PLCB1: variants seen among roughly 807,000 people sequenced by gnomAD.
PLCB1 encodes 1-phosphatidylinositol 4,5-bisphosphate phosphodiesterase beta-1.
PLCB1 carries 46 observed loss-of-function variants against 161.8 expected under a neutral mutation model. The ratio of observed to expected loss-of-function variants is 0.28; its 90% CI spans 0.22 to 0.36. The LOEUF (loss-of-function observed/expected upper bound fraction) is 0.36. Ranked by LOEUF, PLCB1 falls within the 10% of genes least tolerant of loss-of-function variation. The probability of loss-of-function intolerance (pLI) is 1.00; values close to 1 mark genes in which losing one functional copy is unlikely to be tolerated. For synonymous variants in PLCB1, 517 were observed against 503.7 expected (o/e 1.03, Z -0.35); for missense variants, 1,016 against 1,472.5 (o/e 0.69, Z 5.07).
chr20:8,617,711 T>C (rs902817233), intron 3 of PLCB1, among the ~76,000 whole-genome samples: 4 of 152,228 alleles, frequency 2.6e-5, no homozygotes, highest in African/African-American at 9.6e-5. Context: ...TTGTTGAAAT[T>C]ACCTAGCAAT....
At chr20:8,154,076 T>G (rs1054459346) in intron 2 of PLCB1, among the ~76,000 whole-genome samples, 1 of 152,178 alleles carries the variant, frequency 6.6e-6, no homozygotes, top group Non-Finnish European at 1.5e-5. Context: ...TTAAATAAAT[T>G]TGTGCATGTG....
At chr20:8,799,881 G>A (rs903681524) in intron 31 of PLCB1, among the ~76,000 whole-genome samples, 3 of 152,040 alleles carry the variant, frequency 2.0e-5, no homozygotes, top group East Asian at 1.9e-4. Context: ...TAAGTTCTAC[G>A]TAAATAGTGT....
chr20:8,460,992 C>A (rs1249432114), intron 3 of PLCB1, among the ~76,000 whole-genome samples: 1 of 152,192 alleles, frequency 6.6e-6, no homozygotes, highest in Non-Finnish European at 1.5e-5. Flanking sequence ...TGAGTGGCCA[C>A]TTGCCCGATG....
intron 11 of PLCB1, among the ~76,000 whole-genome samples, chr20:8,707,329 C>T (rs1454568932): frequency 1.3e-5 from 2 of 151,762 alleles, no homozygotes; most frequent in East Asian, 1.9e-4. Context: ...AGAAAAGGCT[C>T]AGGCATAAAG....
At chr20:8,799,475 G>A (rs1984185035) in intron 31 of PLCB1, among the ~76,000 whole-genome samples, 2 of 152,036 alleles carry the variant, frequency 1.3e-5, no homozygotes, top group South Asian at 2.1e-4. Context: ...TGTGAATTTT[G>A]CTAATACTCA....
At chr20:8,694,484 T>G (rs1038243588) in intron 10 of PLCB1, among the ~76,000 whole-genome samples, 1 of 152,226 alleles carries the variant, frequency 6.6e-6, no homozygotes, top group Non-Finnish European at 1.5e-5. Context: ...TGCCTTACCA[T>G]GGTTTTCAAA....
intron 26 of PLCB1, among the ~76,000 whole-genome samples, chr20:8,773,680 A>G (rs1448862829): frequency 1.3e-5 from 2 of 152,146 alleles, no homozygotes; most frequent in African/African-American, 4.8e-5. Context: ...GCTGTTAAAA[A>G]TCTTGTTAAG....
At chr20:8,459,609 T>C (rs1484993222) in intron 3 of PLCB1, among the ~76,000 whole-genome samples, 1 of 152,192 alleles carries the variant, frequency 6.6e-6, no homozygotes, top group Non-Finnish European at 1.5e-5. Context: ...AACTAACACT[T>C]TTATTGTGAT....
At chr20:8,750,148 G>C (rs145374346) in intron 23 of PLCB1, among the ~76,000 whole-genome samples, 1 of 152,166 alleles carries the variant, frequency 6.6e-6, no homozygotes, top group Non-Finnish European at 1.5e-5. Flanking sequence ...TGTGAATGCT[G>C]TTGACTCATG....
intron 23 of PLCB1, among the ~76,000 whole-genome samples, chr20:8,744,926 A>G (rs1981091105): frequency 6.6e-6 from 1 of 152,142 alleles, no homozygotes; most frequent in South Asian, 2.1e-4. Flanking sequence ...GTACAAAAAT[A>G]CAGAAGTAGA....
At position 8,301,810 on chromosome 20, in the gene PLCB1, C is replaced by T. The variant is rs76570720; in HGVS notation, c.178-69572C>T. Among the ~76,000 whole-genome samples, 402 of 152,332 alleles carry T rather than the reference C, an allele frequency of 2.6e-3. 7 individuals are homozygous for T. Among genetic ancestry groups the T allele is most frequent in the Non-Finnish European group, 2.2e-3 (147 of 68,028 alleles). On this transcript the variant is annotated intron_variant, in intron 2 of 31. Transcript: ENST00000338037. ...ATTGGAGTTGTGCCTTGAGTTTGCA[C>T]GGCAATATGCCAGGACATTTGCAGT...
chr20:8,437,539 A>G (rs763930396), intron 3 of PLCB1, among the ~76,000 whole-genome samples: 8 of 152,224 alleles, frequency 5.3e-5, no homozygotes, highest in Non-Finnish European at 1.0e-4. Context: ...TACAGTACTG[A>G]GTAGTGGAAT....
chr20:8,218,329 T>G (rs574081694), intron 2 of PLCB1, among the ~76,000 whole-genome samples: 1 of 152,206 alleles, frequency 6.6e-6, no homozygotes, highest in Admixed American at 6.6e-5. Flanking sequence ...AGAGTTCAGA[T>G]AGGTCATAGA....
intron 3 of PLCB1, among the ~76,000 whole-genome samples, chr20:8,432,147 A>ATC (rs1980071403): frequency 6.6e-6 from 1 of 152,104 alleles, no homozygotes; most frequent in African/African-American, 2.4e-5. Context: ...CTTGCAGACA[A>ATC]TCTGAAGCGT....
At chr20:8,154,195 A>T (rs991718390) in intron 2 of PLCB1, among the ~76,000 whole-genome samples, 2 of 152,200 alleles carry the variant, frequency 1.3e-5, no homozygotes, top group Non-Finnish European at 2.9e-5. Flanking sequence ...TGTCTCAGAG[A>T]ACTTTTCAAG....
intron 2 of PLCB1, among the ~76,000 whole-genome samples, chr20:8,288,733 C>A (rs571668233): frequency 6.6e-6 from 1 of 152,124 alleles, no homozygotes; most frequent in African/African-American, 2.4e-5. Context: ...GCAATGGCCC[C>A]GTGAAGGGAA....
chr20:8,163,905 T>A (rs1285189774), intron 2 of PLCB1, among the ~76,000 whole-genome samples: 1 of 152,216 alleles, frequency 6.6e-6, no homozygotes, highest in Non-Finnish European at 1.5e-5. Context: ...CAAAGCTTCA[T>A]ATGGAATGAG....
chr20:8,764,889 T>C (rs750215635), intron 25 of PLCB1, among the ~76,000 whole-genome samples: 7 of 152,184 alleles, frequency 4.6e-5, no homozygotes, highest in Non-Finnish European at 7.4e-5. Context: ...ATTCTGCTTC[T>C]AGGGAACCCA....
chr20:8,192,433 G>C lies in PLCB1; in HGVS notation c.177+42062G>C, dbSNP rs1180234167. On this transcript the variant is annotated intron_variant, in intron 2 of 31. Transcript: ENST00000338037. ...TAAAGGACAGATATCACTCACCTGT[G>C]AGGATTTGGTTAGCGATGTGGGAGG... Among the ~76,000 whole-genome samples the C allele has an allele frequency of 3.3e-5, 5 of 151,946 alleles. No individual in the cohort carries two copies. In the East Asian group the frequency reaches 5.8e-4, roughly 18 times the overall value.
Sources: allele counts gnomAD v4.1 joint callset (sites outside exome capture counted in the v4.1 genomes callset), GRCh38; gene constraint gnomAD v4.1.1; transcripts MANE v1.5; gene names NCBI Gene and HGNC (gene_info 2026-07-23, HGNC 2026-07-21).